The following UCKL1 variants were observed in gnomAD, a reference collection of about 807,000 sequenced individuals.
UCKL1 encodes uridine-cytidine kinase-like 1.
In UCKL1, 65 loss-of-function variants were observed where a neutral mutation model predicts 59.2. The ratio of observed to expected loss-of-function variants is 1.10; its 90% CI spans 0.90 to 1.35. The LOEUF (loss-of-function observed/expected upper bound fraction) is 1.35, where lower values mean the gene tolerates loss of function less well. UCKL1 is among the 40% of genes most tolerant of loss of function. The pLI is 0.00. For synonymous variants in UCKL1, 410 were observed against 323.1 expected (o/e 1.27, Z -2.88); for missense variants, 703 against 784.3 (o/e 0.90, Z 1.24).
rs1218694799 is a variant in UCKL1 at position 63,945,796 on chromosome 20, C to T, written c.582+9G>A. On this transcript the variant is annotated intron_variant, in intron 4 of 14. Transcript: ENST00000354216. ...CCCCCGAGGCCCCCTCTGCAGGGCC[C>T]TGGCCTACCCAGTCCTTCTTCCGGC... is the stretch of plus-strand genomic sequence containing the variant. 3.1e-6 allele frequency: 5 copies of T among 1,613,512 alleles called. No homozygotes were observed. Among genetic ancestry groups the T allele is most frequent in the Non-Finnish European group, 4.2e-6 (5 of 1,179,964 alleles).
chr20:63,941,244 G>A (rs2054305924), intron 8 of UCKL1, 36 bp from the exon 9 acceptor site: 2 of 1,465,244 alleles, frequency 1.4e-6, no homozygotes, highest in South Asian at 1.4e-5. Flanking sequence ...TCAAGAAGGG[G>A]GTCTTTTCCC....
chr20:63,940,823 A>G lies in UCKL1; in HGVS notation c.1150T>C (p.Tyr384His). 6.4e-7 allele frequency: 1 copy of G among 1,568,768 alleles called. No individual in the cohort carries two copies. The highest frequency in any genetic ancestry group is 8.6e-7 in the Non-Finnish European group (1 of 1,158,086). Residue 384 changes from tyrosine to histidine, a missense_variant, in exon 11 of 15, where the codon TAT (tyrosine) becomes CAT (histidine). By Grantham distance (83) the Tyr-to-His change is moderately conservative. Transcript: ENST00000354216. ...TTCCCCGCATAGCACTTGCCCGCAT[A>G]GTCCTGCCCCTGCGGGGTCTGTACG... is the stretch of plus-strand genomic sequence containing the variant. ...CVVQTPQGQDYAGKCYAGKQI... is the reference protein window; with the variant it reads ...CVVQTPQGQDHAGKCYAGKQI...
chr20:63,941,910 G>T (rs1286091604), intron 8 of UCKL1, among the ~76,000 whole-genome samples: 1 of 151,252 alleles, frequency 6.6e-6, no homozygotes, highest in African/African-American at 2.4e-5. Flanking sequence ...AAAGCGACAG[G>T]CCACAGAATT....
At position 63,940,835 on chromosome 20, in the gene UCKL1, G is replaced by C; in HGVS notation, c.1138C>G (p.Gln380Glu). Residue 380 changes from glutamine to glutamate, a missense_variant, in exon 11 of 15, where the codon CAG becomes GAG. By Grantham distance (29) the Gln-to-Glu change is conservative. Around this residue, in one of 4 missense-constraint regions of UCKL1, gnomAD observed 156 missense variants for 185.6 expected, o/e 0.84. Coordinates refer to ENST00000354216, the MANE Select transcript of UCKL1 (RefSeq NM_017859.4). ...CACTTGCCCGCATAGTCCTGCCCCT[G>C]CGGGGTCTGTACGACGCAGTCCTGT... ...PFQDCVVQTP[Q>E]GQDYAGKCYA... 1 of 1,561,628 alleles carries C rather than the reference G, an allele frequency of 6.4e-7. No homozygotes were observed. Among genetic ancestry groups the C allele is most frequent in the Non-Finnish European group, 8.7e-7 (1 of 1,154,172 alleles).
chr20:63,947,369 C>G (rs1186709367), intron 1 of UCKL1, among the ~76,000 whole-genome samples: 1 of 152,256 alleles, frequency 6.6e-6, no homozygotes, highest in Non-Finnish European at 1.5e-5. Context: ...ACCCGGCACA[C>G]TCTCTGGGCA....
At chr20:63,947,221 G>A (rs2056481476) in intron 1 of UCKL1, among the ~76,000 whole-genome samples, 1 of 152,214 alleles carries the variant, frequency 6.6e-6, no homozygotes, top group Admixed American at 6.5e-5. Flanking sequence ...AAGGGAAGGA[G>A]GAGAGGCGCT....
chr20:63,942,866 GGA>G (rs2055009773), intron 8 of UCKL1: 1 of 385,984 alleles, frequency 2.6e-6, no homozygotes, highest in Non-Finnish European at 5.4e-6. Context: ...CCTAGGCCGA[GGA>G]GAGGGCCAAG....
intron 1 of UCKL1, chr20:63,948,180 T>C (rs1308956657): frequency 1.3e-5 from 2 of 152,126 alleles, no homozygotes; most frequent in African/African-American, 2.4e-5. Context: ...CCTGGGAAGC[T>C]CTCAGGGGTC....
chr20:63,941,122 T>C lies in UCKL1; in HGVS notation c.1010A>G (p.His337Arg). ...LKSTPQVRGM[H>R]TIIRDKETSR... ...GGTGGGCCCTCACCTGATGATGGTG[T>C]GCATGCCCCGTACCTGCGGCGTGCT... The change falls in exon 9 of 15, where the codon CAC becomes CGC. Residue 337 changes from histidine to arginine, a missense_variant. Around this residue, in one of 4 missense-constraint regions of UCKL1, gnomAD observed 156 missense variants for 185.6 expected, o/e 0.84. Transcript: ENST00000354216. The C allele has an allele frequency of 6.3e-7, 1 of 1,598,174 alleles. No individual in the cohort carries two copies. The highest frequency in any genetic ancestry group is 8.5e-7 in the Non-Finnish European group (1 of 1,175,132).
At chr20:63,948,887 A>T (rs1023885475) in intron 1 of UCKL1, among the ~76,000 whole-genome samples, 2 of 151,944 alleles carry the variant, frequency 1.3e-5, no homozygotes, top group African/African-American at 2.4e-5. Context: ...CCAGCGTGGG[A>T]ACACTGATTC....
At position 63,945,685 on chromosome 20, in the gene UCKL1, C is replaced by T. The variant is rs755287074; in HGVS notation, c.620G>A (p.Gly207Asp). The T allele has an allele frequency of 2.5e-6, 4 of 1,613,094 alleles. No individual in the cohort carries two copies. Among genetic ancestry groups the T allele is most frequent in the Non-Finnish European group, 3.4e-6 (4 of 1,179,846 alleles). Residue 207 changes from glycine to aspartate, a missense_variant, in exon 5 of 15, where the codon GGC (glycine) becomes GAC (aspartate). Transcript: ENST00000354216. ...LYGANVIIFEGIMAFADKTLL... is the reference protein window; with the variant it reads ...LYGANVIIFEDIMAFADKTLL... ...TGTCTTGTCAGCAAAGGCCATGATG[C>T]CCTCAAAGATGATGACGTTTGCACC...
In UCKL1 at chr20:63,944,417, C is replaced by T. The variant is rs370751969; in HGVS notation, c.886G>A (p.Val296Met). 3.6e-5 allele frequency: 55 copies of T among 1,535,836 alleles called. No individual in the cohort carries two copies. Among genetic ancestry groups the T allele is most frequent in the South Asian group, 1.9e-4 (16 of 85,418 alleles). Residue 296 changes from valine to methionine, a missense_variant, in exon 7 of 15, where the codon GTG (valine) becomes ATG (methionine). By Grantham distance (21) the Val-to-Met change is conservative. Coordinates refer to ENST00000354216, the MANE Select transcript of UCKL1 (RefSeq NM_017859.4). ...CTCACCTCCTCCAGCTGGCTGTGCA[C>T]GTGCTGCACAATCAGGTCGATGGCC... The part of the protein sequence containing the change: ...TVAIDLIVQH[V>M]HSQLEERELS...
intron 1 of UCKL1, among the ~76,000 whole-genome samples, chr20:63,947,883 C>T (rs1601202505): frequency 6.6e-6 from 1 of 152,334 alleles, no homozygotes; most frequent in South Asian, 2.1e-4. Flanking sequence ...AGGCGCCTGC[C>T]AACTTCTCCG....
chr20:63,943,251 G>C (rs1334388041), intron 8 of UCKL1, among the ~76,000 whole-genome samples: 1 of 152,246 alleles, frequency 6.6e-6, no homozygotes, highest in Non-Finnish European at 1.5e-5. Context: ...AAGCTGACTG[G>C]TCCGTGAGGC....
chr20:63,946,283 G>C lies in UCKL1; in HGVS notation c.305-16C>G. 1.3e-6 allele frequency: 2 copies of C among 1,571,952 alleles called. No individual in the cohort carries two copies. The highest frequency in any genetic ancestry group is 1.7e-6 in the Non-Finnish European group (2 of 1,159,396). The stretch of plus-strand genomic sequence containing the variant: ...CCTCCCAAGCCTGCCGGCGGGAGTG[G>C]AGACCCTCTGTGAGGAACAGGCAGG... On this transcript the variant is annotated splice_polypyrimidine_tract_variant and intron_variant, in intron 2 of 14. Coordinates refer to ENST00000354216, the MANE Select transcript of UCKL1 (RefSeq NM_017859.4).
At chr20:63,956,225 C>T (rs751423516) in intron 1 of UCKL1, 35 bp downstream of exon 1, 59 of 1,483,022 alleles carry the variant, frequency 4.0e-5, no homozygotes, top group Admixed American at 9.5e-5. Flanking sequence ...CCCCTTCCCG[C>T]TCGCCAGTGG....
Position 63,943,642 on chromosome 20 carries a change from G to A in UCKL1, c.923+11C>T. 1.2e-6 allele frequency: 2 copies of A among 1,612,688 alleles called. No individual in the cohort carries two copies. The highest frequency in any genetic ancestry group is 1.3e-5 in the African/African-American group (1 of 75,062). On this transcript the variant is annotated intron_variant, in intron 8 of 14. Coordinates refer to ENST00000354216, the MANE Select transcript of UCKL1 (RefSeq NM_017859.4). ...TGCCTCCATCTGTGCAGACAGCTGT[G>A]CAAGTCTTACCTGACGCTGAGTTCA...
At position 63,940,673 on chromosome 20, in the gene UCKL1, G is replaced by A; in HGVS notation, c.1223C>T (p.Pro408Leu). Reference protein sequence around the residue: ...SILRAGETMEPALRAVCKDVR... With the variant: ...SILRAGETMELALRAVCKDVR... ...GTCTTTGCACACAGCGCGCAGCGCGGGCTCCATGGTTTCACCGGCGCGCAG... is the reference window on the plus strand; with the variant it reads ...GTCTTTGCACACAGCGCGCAGCGCGAGCTCCATGGTTTCACCGGCGCGCAG... The change falls in exon 12 of 15, where the codon CCC (proline) becomes CTC (leucine). Residue 408 changes from proline to leucine, a missense_variant. By Grantham distance (98) the Pro-to-Leu change is moderately conservative. Coordinates refer to ENST00000354216, the MANE Select transcript of UCKL1 (RefSeq NM_017859.4). 2 of 1,609,056 alleles carry A rather than the reference G, an allele frequency of 1.2e-6. No individual in the cohort carries two copies. Among genetic ancestry groups the A allele is most frequent in the Non-Finnish European group, 1.7e-6 (2 of 1,178,788 alleles).
intron 1 of UCKL1, among the ~76,000 whole-genome samples, chr20:63,947,432 C>T (rs1050328157): frequency 2.6e-5 from 4 of 152,176 alleles, no homozygotes; most frequent in Non-Finnish European, 5.9e-5. Flanking sequence ...GTGAGGGCGG[C>T]GTGTGGGTGG....
Sources: gnomAD v4.1 joint callset for allele counts (sites outside exome capture counted in the v4.1 genomes callset) on GRCh38, gnomAD v4.1.1 for gene constraint, gnomAD v4.1.1 regional missense constraint, MANE v1.5 for transcripts, NCBI Gene and HGNC (gene_info 2026-07-23, HGNC 2026-07-21) for gene names.